The following DIS3L2 variants were observed in gnomAD, a reference collection of about 807,000 sequenced individuals.
DIS3L2 encodes the protein DIS3-like exonuclease 2.
DIS3L2 carries 34 observed loss-of-function variants against 97.5 expected under a neutral mutation model. The observed-to-expected ratio is 0.35, with a 90% CI of 0.27 to 0.46. The LOEUF (loss-of-function observed/expected upper bound fraction) is 0.46, where lower values mean the gene tolerates loss of function less well. DIS3L2 is among the 20% of genes least tolerant of loss of function. The pLI, the probability that DIS3L2 is intolerant of heterozygous loss-of-function variation, is 1.00. For missense variants in DIS3L2, 1,038 were observed against 1,146.0 expected, an observed-to-expected ratio of 0.91 and a Z score of 1.36; for synonymous variants, 435 against 445.2, an observed-to-expected ratio of 0.98 and a Z score of 0.29.
chr2:232,265,276 T>G (rs917678350), intron 13 of DIS3L2, among the ~76,000 whole-genome samples: 7 of 152,180 alleles, frequency 4.6e-5, no homozygotes, highest in Admixed American at 3.9e-4. Context: ...TCCACCACTT[T>G]AGGGTTGGCA....
chr2:232,089,007 G>T, intron 6 of DIS3L2, among the ~76,000 whole-genome samples: 1 of 152,340 alleles, frequency 6.6e-6, no homozygotes, highest in African/African-American at 2.4e-5. Flanking sequence ...AATGCCAGAA[G>T]ATTTCTAAAG....
chr2:232,110,636 G>T (rs1697498813), intron 6 of DIS3L2, among the ~76,000 whole-genome samples: 1 of 152,120 alleles, frequency 6.6e-6, no homozygotes, highest in African/African-American at 2.4e-5. Context: ...CTTGTAAGTG[G>T]GAGCTAAAAG....
chr2:232,016,921 TCTCC>T lies in DIS3L2; in HGVS notation c.210+1269_210+1272del, dbSNP rs1159539698. Among the ~76,000 whole-genome samples, 196 of 88,632 alleles carry T rather than the reference TCTCC, an allele frequency of 2.2e-3. 1 individual carries two copies. Among genetic ancestry groups the T allele is most frequent in the Non-Finnish European group, 3.1e-3 (145 of 46,066 alleles). 58.1% of individuals were successfully genotyped at this position (88,632 alleles called of 152,430 possible). On this transcript the variant is annotated intron_variant, in intron 3 of 20. Coordinates refer to ENST00000325385, the MANE Select transcript of DIS3L2 (RefSeq NM_152383.5). The stretch of plus-strand genomic sequence containing the variant: ...TGTCCCCTCCCTCCCTCCCTCCCTC[TCTCC>T]CTCCCTCCCTCCCTCCCTTCCTTCC...
chr2:232,337,082 C>T lies in DIS3L2; in HGVS notation c.*452C>T, dbSNP rs1400129220. 6 of 1,028,224 alleles carry T rather than the reference C, an allele frequency of 5.8e-6. No homozygotes were observed. Among genetic ancestry groups the T allele is most frequent in the Non-Finnish European group, 7.0e-6 (6 of 858,346 alleles). The allele number at this position is 1,028,224 out of a possible 1,614,324, so 63.7% of individuals were successfully genotyped here. A position where few individuals can be genotyped will look rare whatever the true frequency, so the allele number is the denominator to read the frequency against. Reference sequence around the variant, plus strand: ...TCACCCCTCGCTGCTGAGCCGATGTCAACACCTGGAACTTTCCTGTCAGTT... The same window carrying T: ...TCACCCCTCGCTGCTGAGCCGATGTTAACACCTGGAACTTTCCTGTCAGTT... On this transcript the variant is annotated 3_prime_UTR_variant, in exon 21 of 21. Coordinates refer to ENST00000325385, the MANE Select transcript of DIS3L2 (RefSeq NM_152383.5).
intron 14 of DIS3L2, among the ~76,000 whole-genome samples, chr2:232,327,781 G>A (rs1050093816): frequency 1.3e-5 from 2 of 152,182 alleles, no homozygotes; most frequent in African/African-American, 4.8e-5. Flanking sequence ...CCCCCAGCTG[G>A]CCATGTGGGG....
At chr2:232,285,103 G>C (rs1694392592) in intron 13 of DIS3L2, among the ~76,000 whole-genome samples, 1 of 152,136 alleles carries the variant, frequency 6.6e-6, no homozygotes, top group Non-Finnish European at 1.5e-5. Context: ...AATTTTTGTT[G>C]TTGTTTTGGG....
chr2:232,328,292 G>A (rs6713534), intron 14 of DIS3L2, among the ~76,000 whole-genome samples: 17,751 of 152,266 alleles, frequency 0.12, 1,510 homozygotes, highest in African/African-American at 0.24. Context: ...TAGTCCCCAG[G>A]GGAGGCGCTA....
intron 9 of DIS3L2, among the ~76,000 whole-genome samples, chr2:232,188,224 G>C (rs1691502018): frequency 6.6e-6 from 1 of 152,162 alleles, no homozygotes; most frequent in African/African-American, 2.4e-5. Flanking sequence ...GTGCAGAGAA[G>C]GGAAAACATG....
intron 10 of DIS3L2, among the ~76,000 whole-genome samples, chr2:232,237,160 T>C (rs143448375): frequency 0.012 from 1,884 of 152,378 alleles, 30 homozygotes; most frequent in African/African-American, 0.043. Flanking sequence ...CTTGTATGTA[T>C]GTGTATATTT....
intron 14 of DIS3L2, among the ~76,000 whole-genome samples, chr2:232,308,146 C>T (rs1279227437): frequency 6.6e-6 from 1 of 152,232 alleles, no homozygotes; most frequent in Non-Finnish European, 1.5e-5. Context: ...ACCATCCATT[C>T]AGTGGTATGT....
chr2:232,287,279 G>A (rs1694459347), intron 13 of DIS3L2, among the ~76,000 whole-genome samples: 1 of 151,166 alleles, frequency 6.6e-6, no homozygotes, highest in Non-Finnish European at 1.5e-5. Context: ...ATTTTCAACT[G>A]TGAGATTATC....
intron 5 of DIS3L2, among the ~76,000 whole-genome samples, chr2:232,082,415 G>A (rs1160712603): frequency 1.3e-5 from 2 of 152,116 alleles, no homozygotes; most frequent in South Asian, 4.1e-4. Flanking sequence ...GAGCATTACC[G>A]CTTGAGCCCC....
intron 9 of DIS3L2, among the ~76,000 whole-genome samples, chr2:232,182,326 T>C (rs1157065703): frequency 1.3e-5 from 2 of 152,240 alleles, no homozygotes; most frequent in Admixed American, 6.5e-5. Context: ...CTTGTATATT[T>C]ATTGAAACTT....
intron 12 of DIS3L2, among the ~76,000 whole-genome samples, chr2:232,258,934 G>C (rs1215313417): frequency 6.6e-6 from 1 of 152,156 alleles, no homozygotes; most frequent in African/African-American, 2.4e-5. Context: ...GTCTGCAGAA[G>C]ATGGTTTCAG....
chr2:232,080,832 T>G (rs1696364891), intron 5 of DIS3L2, among the ~76,000 whole-genome samples: 1 of 141,352 alleles, frequency 7.1e-6, no homozygotes, highest in Admixed American at 7.4e-5. Context: ...GCCTGGGAGG[T>G]GGAGGTTGCA....
intron 9 of DIS3L2, among the ~76,000 whole-genome samples, chr2:232,206,820 A>AT (rs1161598724): frequency 1.3e-5 from 2 of 152,136 alleles, no homozygotes; most frequent in African/African-American, 4.8e-5. Flanking sequence ...CTAGTCTAGG[A>AT]TTTTTCTTAG....
intron 9 of DIS3L2, among the ~76,000 whole-genome samples, chr2:232,173,668 C>T (rs1235090432): frequency 6.6e-6 from 1 of 152,130 alleles, no homozygotes; most frequent in Non-Finnish European, 1.5e-5. Context: ...TGTTTCAGCA[C>T]CATAAGAAAA....
chr2:231,999,993 G>T (rs1417302243), intron 1 of DIS3L2, among the ~76,000 whole-genome samples: 1 of 151,536 alleles, frequency 6.6e-6, no homozygotes, highest in Non-Finnish European at 1.5e-5. Context: ...AAGTATACTT[G>T]GCCCCTAGAT....
chr2:232,273,093 C>T (rs777724038), intron 13 of DIS3L2, among the ~76,000 whole-genome samples: 3 of 152,276 alleles, frequency 2.0e-5, no homozygotes, highest in African/African-American at 7.2e-5. Context: ...CCTTTTGAAG[C>T]TGAAGATTGA....
Sources: gnomAD v4.1 joint callset for allele counts (sites outside exome capture counted in the v4.1 genomes callset) on GRCh38, gnomAD v4.1.1 for gene constraint, MANE v1.5 for transcripts, NCBI Gene and HGNC (gene_info 2026-07-23, HGNC 2026-07-21) for gene names.